The following ARFGAP3 variants were observed in gnomAD, a reference collection of about 807,000 sequenced individuals.
ARFGAP3 encodes ADP-ribosylation factor GTPase-activating protein 3.
In ARFGAP3, 72 loss-of-function variants were observed where a neutral mutation model predicts 75.0. The observed-to-expected ratio is 0.96, with a 90% CI of 0.79 to 1.17. The LOEUF (loss-of-function observed/expected upper bound fraction) is 1.17, where lower values mean the gene tolerates loss of function less well. Ranked by LOEUF, ARFGAP3 falls within the 50% of genes most tolerant of loss-of-function variation. The pLI, the probability that ARFGAP3 is intolerant of heterozygous loss-of-function variation, is 0.00. For missense variants in ARFGAP3, 620 were observed against 626.6 expected, an observed-to-expected ratio of 0.99 and a Z score of 0.11; for synonymous variants, 221 against 217.9, an observed-to-expected ratio of 1.01 and a Z score of -0.13.
intron 10 of ARFGAP3, 119 bp downstream of exon 10, chr22:42,817,610 G>T: frequency 1.2e-6 from 1 of 866,704 alleles, no homozygotes; most frequent in Non-Finnish European, 1.7e-6. Flanking sequence ...AATAATTAGA[G>T]AAGTTAATGA....
At chr22:42,827,620 C>T (rs1337198343) in intron 6 of ARFGAP3, among the ~76,000 whole-genome samples, 1 of 152,228 alleles carries the variant, frequency 6.6e-6, no homozygotes, top group Non-Finnish European at 1.5e-5. Context: ...CCCGCCTTGG[C>T]CTCCCGAAGT....
intron 5 of ARFGAP3, among the ~76,000 whole-genome samples, chr22:42,831,903 C>G (rs1412931887): frequency 6.6e-6 from 1 of 152,110 alleles, no homozygotes; most frequent in Non-Finnish European, 1.5e-5. Context: ...CCACCTCAGC[C>G]TCCTGAGTAG....
intron 11 of ARFGAP3, among the ~76,000 whole-genome samples, chr22:42,815,030 G>A (rs1334391213): frequency 2.6e-5 from 4 of 152,160 alleles, no homozygotes; most frequent in African/African-American, 7.2e-5. Context: ...GAGCCACCAT[G>A]CCCAGCCTAA....
At position 42,835,394 on chromosome 22, in the gene ARFGAP3, C is replaced by A; in HGVS notation, c.361G>T (p.Ala121Ser). ...QLYREKIKSL[A>S]SQATRKHGTD... ...CCATGCTTCCGTGTTGCTTGAGAGG[C>A]GAGCGATTTGATTTTCTCCCTATAG... The change falls in exon 4 of 16, where the codon GCC (alanine) becomes TCC (serine). Residue 121 changes from alanine (A) to serine (S), a missense_variant. By Grantham distance (99) the Ala-to-Ser change is moderately conservative (BLOSUM62 1). Transcript: ENST00000263245. The A allele has an allele frequency of 1.9e-6, 3 of 1,614,078 alleles. No individual in the cohort carries two copies. The highest frequency in any genetic ancestry group is 2.5e-6 in the Non-Finnish European group (3 of 1,179,982).
intron 12 of ARFGAP3, among the ~76,000 whole-genome samples, chr22:42,809,623 T>C (rs1925273574): frequency 6.6e-6 from 1 of 152,084 alleles, no homozygotes; most frequent in Non-Finnish European, 1.5e-5. Context: ...TTCTTGGTTT[T>C]GGTGGTAATT....
intron 7 of ARFGAP3, among the ~76,000 whole-genome samples, chr22:42,824,476 C>T (rs559224832): frequency 3.7e-4 from 56 of 151,808 alleles, no homozygotes; most frequent in African/African-American, 1.3e-3. Flanking sequence ...CTCGTCTCAG[C>T]CTCCCTAGTA....
At chr22:42,822,221 A>G (rs143761402) in intron 9 of ARFGAP3, 49 bp downstream of exon 9, 3 of 1,459,376 alleles carry the variant, frequency 2.1e-6, no homozygotes, top group Non-Finnish European at 2.8e-6. Flanking sequence ...ATCTTGAGTT[A>G]ATAGTTTTAT....
At chr22:42,806,387 C>T (rs978923821) in intron 14 of ARFGAP3, among the ~76,000 whole-genome samples, 1 of 152,214 alleles carries the variant, frequency 6.6e-6, no homozygotes, top group Non-Finnish European at 1.5e-5. Context: ...GGCTCACAGG[C>T]CGCCCCATCC....
At position 42,825,060 on chromosome 22, in the gene ARFGAP3, G is replaced by A. The variant is rs143223266; in HGVS notation, c.626-1358C>T. On this transcript the variant is annotated intron_variant, in intron 7 of 15. Transcript: ENST00000263245. ...AAACTTATTTGAAAATATAAAGTTC[G>A]CAGCCTGGACAACATAGGGAGACTC... is the stretch of plus-strand genomic sequence containing the variant. Among the ~76,000 whole-genome samples, 1,046 of 152,194 alleles carry A rather than the reference G, an allele frequency of 6.9e-3. 8 individuals are homozygous for A. Among genetic ancestry groups the A allele is most frequent in the Middle Eastern group, 0.062 (18 of 292 alleles).
At chr22:42,799,653 C>A (rs144925694) in intron 14 of ARFGAP3, among the ~76,000 whole-genome samples, 1 of 152,194 alleles carries the variant, frequency 6.6e-6, no homozygotes, top group Non-Finnish European at 1.5e-5. Flanking sequence ...CCTGACCAAT[C>A]AGAGCCTTCC....
At chr22:42,802,768 A>C (rs1924934953) in intron 14 of ARFGAP3, among the ~76,000 whole-genome samples, 1 of 138,854 alleles carries the variant, frequency 7.2e-6, no homozygotes, top group African/African-American at 2.7e-5. Context: ...TGCCTGGCTA[A>C]TTTTTTGTAT....
intron 14 of ARFGAP3, among the ~76,000 whole-genome samples, chr22:42,802,851 C>A (rs1225874331): frequency 1.3e-5 from 2 of 151,976 alleles, no homozygotes; most frequent in South Asian, 2.1e-4. Flanking sequence ...CTGCCCGCCT[C>A]GGCCTCCCAA....
chr22:42,855,881 A>G (rs1352012326), intron 1 of ARFGAP3, among the ~76,000 whole-genome samples: 1 of 150,866 alleles, frequency 6.6e-6, no homozygotes, highest in East Asian at 1.9e-4. Context: ...TAATTAATTA[A>G]TAATAACAAT....
chr22:42,822,788 A>G (rs928174333), intron 8 of ARFGAP3, among the ~76,000 whole-genome samples: 2 of 152,146 alleles, frequency 1.3e-5, no homozygotes. Flanking sequence ...TATTGTTTTT[A>G]CTGTTGTATT....
Position 42,857,220 on chromosome 22 carries a change from C to A in ARFGAP3, c.-38G>T, listed in dbSNP as rs1156512178. On this transcript the variant is annotated 5_prime_UTR_variant, in exon 1 of 16. Coordinates refer to ENST00000263245, the MANE Select transcript of ARFGAP3 (RefSeq NM_014570.5). ...GCCGCGGCGCAGCTGGCCCAGCCAA[C>A]CGGTAAGAGTCGACGAAAAGCGGCT... 1 of 1,500,322 alleles carries A rather than the reference C, an allele frequency of 6.7e-7. No homozygotes were observed. The highest frequency in any genetic ancestry group is 8.9e-7 in the Non-Finnish European group (1 of 1,121,232). 92.9% of individuals were successfully genotyped at this position (1,500,322 alleles called of 1,614,324 possible).
At chr22:42,848,408 C>T (rs759479826) in intron 1 of ARFGAP3, among the ~76,000 whole-genome samples, 74 of 152,178 alleles carry the variant, frequency 4.9e-4, no homozygotes, top group Middle Eastern at 3.4e-3. Context: ...TGGGGTTTCA[C>T]CGTGTTAGCC....
chr22:42,835,614 G>T (rs1926488526), intron 3 of ARFGAP3, 121 bp from the exon 4 acceptor site: 1 of 1,087,622 alleles, frequency 9.2e-7, no homozygotes, highest in Non-Finnish European at 1.3e-6. Context: ...GAGGTCGGGA[G>T]ATCAGTACCA....
chr22:42,815,986 C>T (rs1410644356), intron 11 of ARFGAP3, among the ~76,000 whole-genome samples: 2 of 152,086 alleles, frequency 1.3e-5, no homozygotes, highest in Non-Finnish European at 2.9e-5. Flanking sequence ...TGGTGGCACA[C>T]GCCTGTAGTC....
chr22:42,809,032 T>C, intron 12 of ARFGAP3, 142 bp from the exon 13 acceptor site: 1 of 1,023,350 alleles, frequency 9.8e-7, no homozygotes, highest in Admixed American at 3.9e-5. Flanking sequence ...CTGAAAATTC[T>C]AATTAAAAAA....
Sources: allele counts gnomAD v4.1 joint callset (sites outside exome capture counted in the v4.1 genomes callset), GRCh38; gene constraint gnomAD v4.1.1; transcripts MANE v1.5; gene names NCBI Gene and HGNC (gene_info 2026-07-23, HGNC 2026-07-21).